Variants in GALNT4 observed in about 807,000 individuals in gnomAD.
GALNT4 encodes polypeptide N-acetylgalactosaminyltransferase 4.
In GALNT4, 23 loss-of-function variants were observed where a neutral mutation model predicts 45.1. The ratio of observed to expected loss-of-function variants is 0.51; its 90% confidence interval spans 0.37 to 0.72. The LOEUF (loss-of-function observed/expected upper bound fraction) is 0.72. Ranked by LOEUF, GALNT4 falls within the 30% of genes least tolerant of loss-of-function variation. GALNT4 has a pLI of 0.00. For synonymous variants in GALNT4, 264 were observed against 257.6 expected (o/e 1.02, Z -0.24); for missense variants, 757 against 709.0 (o/e 1.07, Z -0.77).
In GALNT4 at chr12:89,524,250, G is replaced by A. The variant is rs1174117687; in HGVS notation, c.300C>T (p.Tyr100=). The A allele has an allele frequency of 2.5e-6, 4 of 1,613,956 alleles. No homozygotes were observed. The highest frequency in any genetic ancestry group is 1.7e-6 in the Non-Finnish European group (2 of 1,179,874). ...TGTCACTGAGGTAAATATTGATGGC[G>A]TATCTCTCAATGAGTTCTTCTTGCT... ...LKQQEELIER[Y]AINIYLSDRI... Residue 100 remains tyrosine (Y), a synonymous_variant, in exon 1 of 1, where the codon TAC becomes TAT. Coordinates refer to ENST00000529983, the MANE Select transcript of GALNT4 (RefSeq NM_003774.5).
At position 89,523,505 on chromosome 12, in the gene GALNT4, C is replaced by T. The variant is rs749694837; in HGVS notation, c.1045G>A (p.Gly349Ser). ...LELSFRVWQC[G>S]GKLEIHPCSH... ...CACGGGTGGATCTCCAATTTGCCACCACACTGCCACACCCTAAAAGACAGC... is the reference window on the plus strand; with the variant it reads ...CACGGGTGGATCTCCAATTTGCCACTACACTGCCACACCCTAAAAGACAGC... The change falls in exon 1 of 1, where the codon GGT becomes AGT. Residue 349 changes from glycine to serine, a missense_variant. Gly to Ser is a moderately conservative substitution (Grantham distance 56). Transcript: ENST00000529983. 2 of 1,611,050 alleles carry T rather than the reference C, an allele frequency of 1.2e-6. No homozygotes were observed. The highest frequency in any genetic ancestry group is 1.7e-6 in the Non-Finnish European group (2 of 1,178,626).
In GALNT4 at chr12:89,524,242, T is replaced by C. The variant is rs1436243647; in HGVS notation, c.308A>G (p.Asn103Ser). The C allele has an allele frequency of 1.2e-6, 2 of 1,613,882 alleles. No individual in the cohort carries two copies. The highest frequency in any genetic ancestry group is 1.7e-6 in the Non-Finnish European group (2 of 1,179,902). ...QEELIERYAI[N>S]IYLSDRISLH... ...GGAAATCCTGTCACTGAGGTAAATA[T>C]TGATGGCGTATCTCTCAATGAGTTC... Residue 103 changes from asparagine to serine, a missense_variant, in exon 1 of 1, where the codon AAT becomes AGT. Transcript: ENST00000529983.
rs773818295 is a variant in GALNT4 at position 89,523,293 on chromosome 12, C to T, written c.1257G>A (p.Leu419=). 9 of 1,613,970 alleles carry T rather than the reference C, an allele frequency of 5.6e-6. No individual in the cohort carries two copies. The Admixed American group carries it at 1.5e-4, about 27-fold the overall frequency. ...ISERKLLRER[L]RCKSFDWYLK... Reference sequence around the variant, plus strand: ...AATACCAGTCAAAGCTCTTGCATCTCAACCGCTCTCGTAGTAATTTTCTTT... The same window carrying T: ...AATACCAGTCAAAGCTCTTGCATCTTAACCGCTCTCGTAGTAATTTTCTTT... The change falls in exon 1 of 1, where the codon TTG becomes TTA. Residue 419 remains leucine (L), a synonymous_variant. Transcript: ENST00000529983.
Position 89,522,700 on chromosome 12 carries a change from G to T in GALNT4, c.*113C>A. 2 of 1,385,224 alleles carry T rather than the reference G, an allele frequency of 1.4e-6. No individual in the cohort carries two copies. The highest frequency in any genetic ancestry group is 9.6e-7 in the Non-Finnish European group (1 of 1,039,908). 85.8% of individuals were successfully genotyped at this position (1,385,224 alleles called of 1,614,324 possible). A position where few individuals can be genotyped will look rare whatever the true frequency, so the allele number is the denominator to read the frequency against. On this transcript the variant is annotated 3_prime_UTR_variant, in exon 1 of 1. Transcript: ENST00000529983. ...AACCCCAGCTTTCCAGTGCTCCACA[G>T]ATGACTGCTAGGTGGCTTTTGATAA...
rs1270498407 is a variant in GALNT4, at chr12:89,524,520, C to G, written c.30G>C (p.Lys10Asn). 1 of 1,611,766 alleles carries G rather than the reference C, an allele frequency of 6.2e-7. No individual in the cohort carries two copies. The highest frequency in any genetic ancestry group is 8.5e-7 in the Non-Finnish European group (1 of 1,179,888). ...TTAAAAACGCCAGCAGCAGGCAGCT[C>G]TTGCCTGCCCAAGTCCACCTCACCG... MAVRWTWAG[K>N]SCLLLAFLTV... is the part of the protein sequence containing the mutation. The change falls in exon 1 of 1, where the codon AAG becomes AAC. Residue 10 changes from lysine to asparagine, a missense_variant. Coordinates refer to ENST00000529983, the MANE Select transcript of GALNT4 (RefSeq NM_003774.5).
In GALNT4 at chr12:89,522,737, A is replaced by C. The variant is rs1870988710; in HGVS notation, c.*76T>G. 2.0e-6 allele frequency: 3 copies of C among 1,498,346 alleles called. No individual in the cohort carries two copies. In the African/African-American group the frequency reaches 4.2e-5, roughly 21 times the overall value. The allele number at this position is 1,498,346 out of a possible 1,614,324, so 92.8% of individuals were successfully genotyped here. ...GTGGCTTTTGATAAAATAAAATACA[A>C]TCTTCACTGAGGCTCTTAAGGCTCT... On this transcript the variant is annotated 3_prime_UTR_variant, in exon 1 of 1. Transcript: ENST00000529983.
rs1232601917 is a variant in GALNT4 at position 89,522,033 on chromosome 12, A to G, written c.*780T>C. The G allele has an allele frequency of 2.5e-6, 1 of 398,928 alleles. No homozygotes were observed. Among genetic ancestry groups the G allele is most frequent in the Non-Finnish European group, 4.4e-6 (1 of 226,066 alleles). The allele number at this position is 398,928 out of a possible 1,614,324, so 24.7% of individuals were successfully genotyped here. A position where few individuals can be genotyped will look rare whatever the true frequency, so the allele number is the denominator to read the frequency against. ...TTCTAGTACATTCATAACTTAAGGA[A>G]GTGCAATCAGAAAATGCCCTACACA... On this transcript the variant is annotated 3_prime_UTR_variant, in exon 1 of 1. Transcript: ENST00000529983.
In GALNT4 at chr12:89,524,040, G is replaced by A. The variant is rs746021030; in HGVS notation, c.510C>T (p.Ile170=). ...TGTCACTCAAGTCATCCACCAAGATGATCTCTTTCAAAAGAACTGCAGGAG... is the reference window on the plus strand; with the variant it reads ...TGTCACTCAAGTCATCCACCAAGATAATCTCTTTCAAAAGAACTGCAGGAG... The part of the protein sequence containing the change: ...ETSPAVLLKE[I]ILVDDLSDRV... The change falls in exon 1 of 1, where the codon ATC becomes ATT. Residue 170 remains isoleucine (I), a synonymous_variant. Coordinates refer to ENST00000529983, the MANE Select transcript of GALNT4 (RefSeq NM_003774.5). 6.2e-6 allele frequency: 10 copies of A among 1,613,458 alleles called. No homozygotes were observed. Among genetic ancestry groups the A allele is most frequent in the Non-Finnish European group, 8.5e-6 (10 of 1,179,732 alleles).
At position 89,521,537 on chromosome 12, in the gene GALNT4, G is replaced by A. The variant is rs114534886; in HGVS notation, c.*1276C>T. On this transcript the variant is annotated 3_prime_UTR_variant, in exon 1 of 1. Transcript: ENST00000529983. ...AAGTATTGTAAAGATTGCACAGTGA[G>A]TCAATCTGGGAAGAATATACTGTAC... is the stretch of plus-strand genomic sequence containing the variant. The A allele has an allele frequency of 6.4e-3, 981 of 154,262 alleles. 15 individuals are homozygous for A. The highest frequency in any genetic ancestry group is 0.022 in the African/African-American group (929 of 41,658). The allele number at this position is 154,262 out of a possible 1,614,324, so 9.6% of individuals were successfully genotyped here. A position where few individuals can be genotyped will look rare whatever the true frequency, so the allele number is the denominator to read the frequency against.
Position 89,524,656 on chromosome 12 carries a change from T to C in GALNT4, c.-107A>G. ...CAGGTACTTCCCAGCAGGTTCTTCC[T>C]TTCATGCAGGCGCTAGGCTCCTTTC... On this transcript the variant is annotated 5_prime_UTR_variant, in exon 1 of 1. Transcript: ENST00000529983. 8.3e-7 allele frequency: 1 copy of C among 1,198,222 alleles called. No individual in the cohort carries two copies. Among genetic ancestry groups the C allele is most frequent in the East Asian group, 2.5e-5 (1 of 40,784 alleles). 74.2% of individuals were successfully genotyped at this position (1,198,222 alleles called of 1,614,324 possible). A position where few individuals can be genotyped will look rare whatever the true frequency, so the allele number is the denominator to read the frequency against.
In GALNT4 at chr12:89,524,585, C is replaced by G; in HGVS notation, c.-36G>C. Reference sequence around the variant, plus strand: ...AGGGCTGAGGCGCAGACGCGGCCACCAAGCCACCACGCAGGGGAAGGGCGG... The same window carrying G: ...AGGGCTGAGGCGCAGACGCGGCCACGAAGCCACCACGCAGGGGAAGGGCGG... On this transcript the variant is annotated 5_prime_UTR_variant, in exon 1 of 1. Transcript: ENST00000529983. 6.2e-7 allele frequency: 1 copy of G among 1,606,218 alleles called. No individual in the cohort carries two copies. Among genetic ancestry groups the G allele is most frequent in the Non-Finnish European group, 8.5e-7 (1 of 1,177,348 alleles).
In GALNT4 at chr12:89,523,679, TG is replaced by T; in HGVS notation, c.870del (p.Lys291AsnfsTer129). ...GATATCCGCCTGTCCCTTTCCTGTT[TG>T]GGGACAGAATGCCACTGAAATGTTA... is the stretch of plus-strand genomic sequence containing the variant. ...WRLTFQWHSVPKQERDRRISR... is the reference protein window; with the variant it reads ...WRLTFQWHSVXKQERDRRISR... On this transcript the variant is annotated frameshift_variant, in exon 1 of 1. Transcript: ENST00000529983. LOFTEE classifies it high-confidence loss of function. 6.5e-7 allele frequency: 1 copy of T among 1,539,590 alleles called. No individual in the cohort carries two copies. The highest frequency in any genetic ancestry group is 8.7e-7 in the Non-Finnish European group (1 of 1,149,514).
At position 89,524,728 on chromosome 12, in the gene GALNT4, G is replaced by C. The variant is rs1871267129; in HGVS notation, c.-179C>G. 1 of 677,800 alleles carries C rather than the reference G, an allele frequency of 1.5e-6. No individual in the cohort carries two copies. The highest frequency in any genetic ancestry group is 2.5e-6 in the Non-Finnish European group (1 of 394,610). The allele number at this position is 677,800 out of a possible 1,614,324, so 42.0% of individuals were successfully genotyped here. Reference sequence around the variant, plus strand: ...GGTCACCTGAGCCCTCTCGGTCCTCGGCCTCCGGCACAGCCCAACTCCTCT... The same window carrying C: ...GGTCACCTGAGCCCTCTCGGTCCTCCGCCTCCGGCACAGCCCAACTCCTCT... On this transcript the variant is annotated 5_prime_UTR_variant, in exon 1 of 1. Transcript: ENST00000529983.
At position 89,523,068 on chromosome 12, in the gene GALNT4, T is replaced by G; in HGVS notation, c.1482A>C (p.Ile494=). ...ATAACTCTGTCACAGAATTAAACCT[T>G]ATTTCTTTGTTTGAAGTATATTCAA... ...QFFEYTSNKE[I]RFNSVTELCA... The change falls in exon 1 of 1, where the codon ATA becomes ATC. Residue 494 remains isoleucine, a synonymous_variant. Coordinates refer to ENST00000529983, the MANE Select transcript of GALNT4 (RefSeq NM_003774.5). The G allele has an allele frequency of 6.2e-7, 1 of 1,613,886 alleles. No homozygotes were observed. The highest frequency in any genetic ancestry group is 8.5e-7 in the Non-Finnish European group (1 of 1,179,760).
Position 89,523,599 on chromosome 12 carries a change from G to A in GALNT4, c.951C>T (p.Ser317=), listed in dbSNP as rs1053309722. Residue 317 remains serine, a synonymous_variant, in exon 1 of 1, where the codon AGC becomes AGT. Coordinates refer to ENST00000529983, the MANE Select transcript of GALNT4 (RefSeq NM_003774.5). The part of the protein sequence containing the change: ...PTMAGGLFAV[S]KKYFQYLGTY... The stretch of plus-strand genomic sequence containing the variant: ...TTCCAAGGTACTGAAAATATTTCTT[G>A]CTGACAGCAAACAGTCCTCCAGCCA... The A allele has an allele frequency of 6.4e-7, 1 of 1,563,536 alleles. No individual in the cohort carries two copies.
chr12:89,523,277 C>T lies in GALNT4; in HGVS notation c.1273G>A (p.Asp425Asn). ...LRERLRCKSF[D>N]WYLKNVFPNL... is the part of the protein sequence containing the mutation. ...GGAAAAACGTTTTTCAAATACCAGT[C>T]AAAGCTCTTGCATCTCAACCGCTCT... is the stretch of plus-strand genomic sequence containing the variant. The change falls in exon 1 of 1, where the codon GAC becomes AAC. Residue 425 changes from aspartate to asparagine, a missense_variant. Coordinates refer to ENST00000529983, the MANE Select transcript of GALNT4 (RefSeq NM_003774.5). 1.2e-6 allele frequency: 2 copies of T among 1,614,042 alleles called. No individual in the cohort carries two copies. The highest frequency in any genetic ancestry group is 1.1e-5 in the South Asian group (1 of 91,074).
chr12:89,524,662 G>T lies in GALNT4; in HGVS notation c.-113C>A. 2 of 1,131,660 alleles carry T rather than the reference G, an allele frequency of 1.8e-6. No homozygotes were observed. The highest frequency in any genetic ancestry group is 2.5e-6 in the Non-Finnish European group (2 of 791,514). The allele number at this position is 1,131,660 out of a possible 1,614,324, so 70.1% of individuals were successfully genotyped here. ...CTTCCCAGCAGGTTCTTCCTTTCAT[G>T]CAGGCGCTAGGCTCCTTTCCAGCCA... On this transcript the variant is annotated 5_prime_UTR_variant, in exon 1 of 1. Coordinates refer to ENST00000529983, the MANE Select transcript of GALNT4 (RefSeq NM_003774.5).
chr12:89,523,674 C>A lies in GALNT4; in HGVS notation c.876G>T (p.Gln292His). The A allele has an allele frequency of 6.5e-7, 1 of 1,538,394 alleles. No homozygotes were observed. Among genetic ancestry groups the A allele is most frequent in the Non-Finnish European group, 8.7e-7 (1 of 1,148,782 alleles). Residue 292 changes from glutamine to histidine, a missense_variant, in exon 1 of 1, where the codon CAG (glutamine) becomes CAT (histidine). By Grantham distance (24) the Gln-to-His change is conservative. Coordinates refer to ENST00000529983, the MANE Select transcript of GALNT4 (RefSeq NM_003774.5). ...LTFQWHSVPKQERDRRISRID... is the reference protein window; with the variant it reads ...LTFQWHSVPKHERDRRISRID... Reference sequence around the variant, plus strand: ...TTCTTGATATCCGCCTGTCCCTTTCCTGTTTGGGGACAGAATGCCACTGAA... The same window carrying A: ...TTCTTGATATCCGCCTGTCCCTTTCATGTTTGGGGACAGAATGCCACTGAA...
In GALNT4 at chr12:89,522,120, T is replaced by G; in HGVS notation, c.*693A>C. The G allele has an allele frequency of 2.5e-6, 1 of 398,990 alleles. No homozygotes were observed. Among genetic ancestry groups the G allele is most frequent in the Non-Finnish European group, 4.4e-6 (1 of 226,050 alleles). The allele number at this position is 398,990 out of a possible 1,614,324, so 24.7% of individuals were successfully genotyped here. ...CAGAGGAATCTGAGGTATTAATATATACATCAGTGAAGTCCAATAGCTCAA... is the reference window on the plus strand; with the variant it reads ...CAGAGGAATCTGAGGTATTAATATAGACATCAGTGAAGTCCAATAGCTCAA... On this transcript the variant is annotated 3_prime_UTR_variant, in exon 1 of 1. Transcript: ENST00000529983.
Sources: gnomAD v4.1 joint callset for allele counts on GRCh38, gnomAD v4.1.1 for gene constraint, MANE v1.5 for transcripts, NCBI Gene and HGNC (gene_info 2026-07-23, HGNC 2026-07-21) for gene names.